The following INPP5J variants were observed in gnomAD, a reference collection of about 807,000 sequenced individuals.
INPP5J encodes the protein phosphatidylinositol 4,5-bisphosphate 5-phosphatase A.
Under a neutral mutation model 86.6 loss-of-function variants are expected in INPP5J, and 75 were observed. The ratio of observed to expected loss-of-function variants is 0.87; its 90% CI spans 0.72 to 1.05. The LOEUF (loss-of-function observed/expected upper bound fraction) is 1.05. INPP5J is among the 50% of genes least tolerant of loss of function. INPP5J has a pLI of 0.00. For synonymous variants in INPP5J, 540 were observed against 550.0 expected, an observed-to-expected ratio of 0.98 and a Z score of 0.25; for missense variants, 1,229 against 1,341.2, an observed-to-expected ratio of 0.92 and a Z score of 1.31.
chr22:31,133,189 A>C lies in INPP5J; in HGVS notation c.2285A>C (p.Glu762Ala). ...CAGGCGGTGGTGAGGTACCGCATGG[A>C]AACAGTGTTCGCCCGCAGCTCCTGG... ...PEQAVVRYRM[E>A]TVFARSSWDW... Residue 762 changes from glutamate (E) to alanine (A), a missense_variant, in exon 10 of 13, where the codon GAA (glutamate) becomes GCA (alanine). Glu to Ala is a moderately radical substitution (Grantham distance 107). Transcript: ENST00000331075. 6.2e-7 allele frequency: 1 copy of C among 1,600,010 alleles called. No homozygotes were observed. Among genetic ancestry groups the C allele is most frequent in the Admixed American group, 1.7e-5 (1 of 57,562 alleles).
intron 9 of INPP5J, among the ~76,000 whole-genome samples, chr22:31,130,893 C>CG (rs1303615956): frequency 6.6e-6 from 1 of 152,098 alleles, no homozygotes; most frequent in Non-Finnish European, 1.5e-5. Context: ...TTTTCTGTGG[C>CG]GGGATCTGAG....
chr22:31,134,180 A>C lies in INPP5J; in HGVS notation c.2782A>C (p.Ser928Arg), dbSNP rs1398419702. The C allele has an allele frequency of 5.8e-6, 9 of 1,549,884 alleles. No individual in the cohort carries two copies. The highest frequency in any genetic ancestry group is 7.8e-6 in the Non-Finnish European group (9 of 1,146,550). ...RRLSRVAPDR[S>R]SNGSSRGSSE... The stretch of plus-strand genomic sequence containing the variant: ...CCTGTCCCGAGTGGCTCCTGACAGG[A>C]GCAGTAATGGCAGCAGCCGGGGCAG... Residue 928 changes from serine (S) to arginine (R), a missense_variant, in exon 13 of 13, where the codon AGC (serine) becomes CGC (arginine). By Grantham distance (110) the Ser-to-Arg change is moderately radical (BLOSUM62 -1). Transcript: ENST00000331075.
At chr22:31,131,815 G>A (rs548694427) in intron 9 of INPP5J, among the ~76,000 whole-genome samples, 1 of 152,170 alleles carries the variant, frequency 6.6e-6, no homozygotes, top group Admixed American at 6.5e-5. Context: ...GTCTACCCTT[G>A]CCCGCCCCTG....
chr22:31,132,098 T>C (rs377655883), intron 9 of INPP5J, among the ~76,000 whole-genome samples: 82 of 152,294 alleles, frequency 5.4e-4, no homozygotes, highest in Non-Finnish European at 1.1e-3. Context: ...CTTTCCTTCA[T>C]GGACTGATGA....
rs1403266188 is a variant in INPP5J, at chr22:31,134,260, G to A, written c.2862G>A (p.Val954=). The change falls in exon 13 of 13, where the codon GTG becomes GTA. Residue 954 remains valine (V), a synonymous_variant. Coordinates refer to ENST00000331075, the MANE Select transcript of INPP5J (RefSeq NM_001284285.2). ...GCCCCTGGGCCTTCCCACCAGCTGT[G>A]CCTCGAAGCCTGGGCCTGTTGCCCG... The part of the protein sequence containing the change: ...LPGPWAFPPA[V]PRSLGLLPAL... The A allele has an allele frequency of 3.9e-6, 6 of 1,551,400 alleles. No homozygotes were observed. In the South Asian group the frequency reaches 6.0e-5, roughly 15 times the overall value.
Position 31,126,902 on chromosome 22 carries a change from A to C in INPP5J, c.1495-19A>C. On this transcript the variant is annotated intron_variant, in intron 4 of 12. Coordinates refer to ENST00000331075, the MANE Select transcript of INPP5J (RefSeq NM_001284285.2). ...GGGAGTTGTGTTCTGTCCCCCAGCC[A>C]CGTGGCCTCCCGCTGCAGGTGAGTT... 6.3e-7 allele frequency: 1 copy of C among 1,581,158 alleles called. No homozygotes were observed. The highest frequency in any genetic ancestry group is 8.7e-7 in the Non-Finnish European group (1 of 1,155,068).
At chr22:31,128,441 T>C in intron 8 of INPP5J, 30 bp from the exon 9 acceptor site, 3 of 1,611,186 alleles carry the variant, frequency 1.9e-6, no homozygotes, top group Middle Eastern at 3.3e-4. Flanking sequence ...CCCCAGCCCC[T>C]GAAACTTGGG....
intron 7 of INPP5J, 27 bp downstream of exon 7, chr22:31,128,089 C>T: frequency 6.5e-7 from 1 of 1,543,166 alleles, no homozygotes; most frequent in East Asian, 2.3e-5. Flanking sequence ...CAGAAGCACA[C>T]AGAGCATGTC....
intron 9 of INPP5J, among the ~76,000 whole-genome samples, chr22:31,130,732 C>A (rs912983454): frequency 1.3e-5 from 2 of 151,972 alleles, no homozygotes; most frequent in Non-Finnish European, 2.9e-5. Flanking sequence ...GGAGGGAGAG[C>A]AAAGATATAA....
At position 31,127,043 on chromosome 22, in the gene INPP5J, C is replaced by A; in HGVS notation, c.1611+6C>A. On this transcript the variant is annotated splice_donor_region_variant and intron_variant, in intron 5 of 12. Transcript: ENST00000331075. ...CTGGCCTGGGCGGCTACTGGGTGAG[C>A]CTGTGAGCAGGCCCAGAAGAGGATG... is the stretch of plus-strand genomic sequence containing the variant. The A allele has an allele frequency of 6.4e-7, 1 of 1,572,150 alleles. No individual in the cohort carries two copies. Among genetic ancestry groups the A allele is most frequent in the Non-Finnish European group, 8.7e-7 (1 of 1,153,516 alleles).
intron 9 of INPP5J, 43 bp from the exon 10 acceptor site, chr22:31,133,055 G>A: frequency 6.4e-7 from 1 of 1,552,032 alleles, no homozygotes; most frequent in East Asian, 2.4e-5. Flanking sequence ...ATACTAGAGG[G>A]TCTCCCCTGA....
At chr22:31,122,963 G>T (rs144907279), upstream of INPP5J, 1,442 of 1,213,044 alleles carry the variant, frequency 1.2e-3, 12 homozygotes, top group East Asian at 7.1e-3. Flanking sequence ...TCCCGGGAGC[G>T]GTAGAGCTGG....
chr22:31,132,982 C>T, intron 9 of INPP5J, 116 bp from the exon 10 acceptor site: 1 of 1,347,848 alleles, frequency 7.4e-7, no homozygotes, highest in Non-Finnish European at 1.0e-6. Context: ...GTTTCCCAGT[C>T]TGTAAAGTGG....
In INPP5J at chr22:31,134,542, G is replaced by A; in HGVS notation, c.*123G>A. 1.8e-6 allele frequency: 2 copies of A among 1,087,484 alleles called. No homozygotes were observed. The highest frequency in any genetic ancestry group is 2.3e-5 in the South Asian group (1 of 43,610). The allele number at this position is 1,087,484 out of a possible 1,614,324, so 67.4% of individuals were successfully genotyped here. On this transcript the variant is annotated 3_prime_UTR_variant, in exon 13 of 13. Transcript: ENST00000331075. ...CACCTGCCTCTCTGTCCTGGCCAGG[G>A]GTGGACAACTGGGGTCCCCCAAAAC...
chr22:31,129,699 A>G (rs1921890593), intron 9 of INPP5J, among the ~76,000 whole-genome samples: 1 of 145,996 alleles, frequency 6.8e-6, no homozygotes, highest in African/African-American at 2.6e-5. Flanking sequence ...GCCCGCCACC[A>G]CGCCTGGCTA....
At position 31,126,388 on chromosome 22, in the gene INPP5J, C is replaced by T; in HGVS notation, c.1284C>T (p.Val428=). Residue 428 remains valine, a synonymous_variant, in exon 3 of 13, where the codon GTC becomes GTT. Transcript: ENST00000331075. ...CCCCTGCCCTCAGGATCACTGTGGT[C>T]ACATGGAACGTGGGCACTGCCATGC... ...KSDPGFRITV[V]TWNVGTAMPP... is the part of the protein sequence containing the mutation. 1 of 1,613,378 alleles carries T rather than the reference C, an allele frequency of 6.2e-7. No individual in the cohort carries two copies.
chr22:31,125,949 T>C lies in INPP5J; in HGVS notation c.1210T>C (p.Ser404Pro). Residue 404 changes from serine to proline, a missense_variant, in exon 2 of 13, where the codon TCC becomes CCC. Physicochemically the swap from Ser to Pro is moderately conservative, Grantham distance 74. Transcript: ENST00000331075. Reference protein sequence around the residue: ...PAPVTTSSSTSTLSSSPWSAQ... With the variant: ...PAPVTTSSSTPTLSSSPWSAQ... ...CCCAGTCACCACCTCCTCTTCTACA[T>C]CCACCCTGTCATCCTCCCCTTGGTC... The C allele has an allele frequency of 1.2e-6, 2 of 1,610,732 alleles. No homozygotes were observed. The highest frequency in any genetic ancestry group is 8.5e-7 in the Non-Finnish European group (1 of 1,177,648).
At position 31,126,200 on chromosome 22, in the gene INPP5J, T is replaced by C. The variant is rs1921402937; in HGVS notation, c.1272-176T>C. The C allele has an allele frequency of 6.4e-6, 5 of 783,636 alleles. No individual in the cohort carries two copies. In the East Asian group the frequency reaches 1.3e-4, roughly 21 times the overall value. 48.5% of individuals were successfully genotyped at this position (783,636 alleles called of 1,614,324 possible). A position where few individuals can be genotyped will look rare whatever the true frequency, so the allele number is the denominator to read the frequency against. On this transcript the variant is annotated intron_variant, in intron 2 of 12. Transcript: ENST00000331075. The stretch of plus-strand genomic sequence containing the variant: ...TCCTAAGGAACTTGCCGCCTCTCAG[T>C]TGATCTCCCCAGGGAGAGTGTGGCA...
At position 31,133,600 on chromosome 22, in the gene INPP5J, G is replaced by A. The variant is rs368662380; in HGVS notation, c.2410-10G>A. 81 of 1,607,100 alleles carry A rather than the reference G, an allele frequency of 5.0e-5. No homozygotes were observed. Among genetic ancestry groups the A allele is most frequent in the Non-Finnish European group, 6.5e-5 (77 of 1,175,738 alleles). On this transcript the variant is annotated splice_polypyrimidine_tract_variant and intron_variant, in intron 11 of 12. Coordinates refer to ENST00000331075, the MANE Select transcript of INPP5J (RefSeq NM_001284285.2). ...CCCCCAACTTAGGCTTATACCCCTG[G>A]GCCTACCAGGTAACATTCAGTGAGG...
Sources: allele counts gnomAD v4.1 joint callset (sites outside exome capture counted in the v4.1 genomes callset), GRCh38; gene constraint gnomAD v4.1.1; transcripts MANE v1.5; gene names NCBI Gene and HGNC (gene_info 2026-07-23, HGNC 2026-07-21).